Variants in GALNT17 observed in about 807,000 individuals in gnomAD.
The protein encoded by GALNT17 is polypeptide N-acetylgalactosaminyltransferase 17, also known as UDP-GalNAc:polypeptide N-acetylgalactosaminyltransferase-like 3.
GALNT17 carries 29 observed loss-of-function variants against 63.7 expected under a neutral mutation model. The observed-to-expected ratio is 0.46, with a 90% CI of 0.34 to 0.62. GALNT17 has a LOEUF of 0.62. Among genes scored for constraint, GALNT17 ranks in the 20% least tolerant of loss-of-function variants. The probability of loss-of-function intolerance (pLI) is 0.01; values close to 1 mark genes in which losing one functional copy is unlikely to be tolerated. For synonymous variants in GALNT17, 305 were observed against 318.3 expected, an observed-to-expected ratio of 0.96 and a Z score of 0.45; for missense variants, 603 against 799.6, an observed-to-expected ratio of 0.75 and a Z score of 2.97.
rs1376122327 is a variant in GALNT17 at position 71,468,735 on chromosome 7, G to C, written c.962+47630G>C. Among the ~76,000 whole-genome samples, 3 of 152,058 alleles carry C rather than the reference G, an allele frequency of 2.0e-5. No homozygotes were observed. In the East Asian group the frequency reaches 5.8e-4, roughly 29 times the overall value. The stretch of plus-strand genomic sequence containing the variant: ...CCCGGCCCTAGGCTCCTCCCATCTT[G>C]ACCTGGGTGTTTGCGATGGTGTCTG... On this transcript the variant is annotated intron_variant, in intron 5 of 10. Coordinates refer to ENST00000333538, the MANE Select transcript of GALNT17 (RefSeq NM_022479.3).
chr7:71,668,385 G>T (rs930069736), intron 7 of GALNT17, among the ~76,000 whole-genome samples: 1 of 151,778 alleles, frequency 6.6e-6, no homozygotes, highest in South Asian at 2.1e-4. Context: ...GTGAGGTGGC[G>T]CATGCCTTTA....
At chr7:71,402,117 T>G (rs957265597) in intron 3 of GALNT17, among the ~76,000 whole-genome samples, 1 of 152,222 alleles carries the variant, frequency 6.6e-6, no homozygotes, top group Non-Finnish European at 1.5e-5. Flanking sequence ...TAGCTTTCAT[T>G]CAGGGTTTTC....
intron 6 of GALNT17, among the ~76,000 whole-genome samples, chr7:71,614,766 G>A (rs1025463691): frequency 1.4e-5 from 2 of 147,202 alleles, no homozygotes; most frequent in Non-Finnish European, 3.0e-5. Context: ...AACAGAAAGA[G>A]AAAGAAACAG....
At chr7:71,613,287 T>C (rs1227831371) in intron 6 of GALNT17, among the ~76,000 whole-genome samples, 1 of 152,196 alleles carries the variant, frequency 6.6e-6, no homozygotes, top group Admixed American at 6.5e-5. Flanking sequence ...ATGATTTACT[T>C]TGAAGTTATT....
At chr7:71,348,142 T>C (rs1792127549) in intron 2 of GALNT17, among the ~76,000 whole-genome samples, 1 of 152,016 alleles carries the variant, frequency 6.6e-6, no homozygotes, top group African/African-American at 2.4e-5. Flanking sequence ...GTGCCTGTAA[T>C]CTCAGATACT....
intron 1 of GALNT17, among the ~76,000 whole-genome samples, chr7:71,331,609 G>T (rs1230196562): frequency 2.0e-5 from 3 of 152,076 alleles, no homozygotes; most frequent in Non-Finnish European, 4.4e-5. Flanking sequence ...TACTTGGGAG[G>T]CCGAGGCAGG....
At position 71,217,194 on chromosome 7, in the gene GALNT17, C is replaced by A. The variant is rs542735713; in HGVS notation, c.238+84154C>A. Among the ~76,000 whole-genome samples the A allele has an allele frequency of 5.7e-5, 8 of 140,920 alleles. No individual in the cohort carries two copies. The East Asian group carries it at 1.7e-3, about 30-fold the overall frequency. The allele number at this position is 140,920 out of a possible 152,430, so 92.4% of individuals were successfully genotyped here. On this transcript the variant is annotated intron_variant, in intron 1 of 10. Transcript: ENST00000333538. ...ATAGAGTTTTGCCATGTGGCCCAGG[C>A]TGGTCTTGAACTCCCATATGATCGC...
intron 1 of GALNT17, among the ~76,000 whole-genome samples, chr7:71,155,745 A>G (rs1009959858): frequency 6.6e-6 from 1 of 151,906 alleles, no homozygotes; most frequent in Admixed American, 6.6e-5. Context: ...CTGGAAACCT[A>G]TAGAGTACAT....
At chr7:71,606,396 A>C (rs73187131) in intron 6 of GALNT17, among the ~76,000 whole-genome samples, 51 of 152,304 alleles carry the variant, frequency 3.3e-4, no homozygotes, top group Non-Finnish European at 6.6e-4. Context: ...CAAGGAGTGT[A>C]AAGGAGGCTC....
chr7:71,144,406 A>C (rs1045538805), intron 1 of GALNT17, among the ~76,000 whole-genome samples: 1 of 152,110 alleles, frequency 6.6e-6, no homozygotes, highest in East Asian at 1.9e-4. Flanking sequence ...AGAACCTGAT[A>C]ATCATCATTA....
rs528692184 is a variant in GALNT17 at position 71,391,730 on chromosome 7, TC to T, written c.589+3331del. 4.2e-3 allele frequency among the ~76,000 whole-genome samples: 645 copies of T among 152,270 alleles called. 4 individuals carry two copies. The highest frequency in any genetic ancestry group is 0.014 in the African/African-American group (583 of 41,562). ...TCAAACTCCTGGGCTCAAATGATCC[TC>T]CTGCCTCAGCCTCCCAATGTGCTGG... On this transcript the variant is annotated intron_variant, in intron 3 of 10. Coordinates refer to ENST00000333538, the MANE Select transcript of GALNT17 (RefSeq NM_022479.3).
chr7:71,591,928 G>A (rs1354896624), intron 6 of GALNT17, among the ~76,000 whole-genome samples: 2 of 152,212 alleles, frequency 1.3e-5, no homozygotes, highest in African/African-American at 4.8e-5. Context: ...CTCTCAAAGT[G>A]CTGAGATTAC....
chr7:71,241,236 G>A (rs1000776009), intron 1 of GALNT17, among the ~76,000 whole-genome samples: 12 of 152,160 alleles, frequency 7.9e-5, no homozygotes, highest in African/African-American at 1.9e-4. Context: ...CTGGTTTGGC[G>A]GATCTGGTAA....
At chr7:71,696,531 A>G (rs1159514358) in intron 9 of GALNT17, among the ~76,000 whole-genome samples, 3 of 152,146 alleles carry the variant, frequency 2.0e-5, no homozygotes, top group African/African-American at 7.2e-5. Flanking sequence ...TGATAATCTG[A>G]TGGATTTTGC....
chr7:71,412,192 C>T (rs181840536), intron 3 of GALNT17, among the ~76,000 whole-genome samples: 12 of 152,298 alleles, frequency 7.9e-5, no homozygotes, highest in African/African-American at 2.6e-4. Context: ...TTAGTTCCAG[C>T]TGCTCGGGAG....
intron 5 of GALNT17, among the ~76,000 whole-genome samples, chr7:71,564,613 A>G (rs1228597329): frequency 6.6e-6 from 1 of 151,842 alleles, no homozygotes; most frequent in African/African-American, 2.4e-5. Context: ...TGTGACACCA[A>G]CAGCGACCAT....
chr7:71,186,147 G>T (rs1327662323), intron 1 of GALNT17, among the ~76,000 whole-genome samples: 2 of 152,154 alleles, frequency 1.3e-5, no homozygotes, highest in Non-Finnish European at 2.9e-5. Flanking sequence ...TTTGAACAAG[G>T]AGGATTCTGC....
chr7:71,669,520 A>C (rs1791035042), intron 7 of GALNT17, among the ~76,000 whole-genome samples: 1 of 151,842 alleles, frequency 6.6e-6, no homozygotes, highest in Non-Finnish European at 1.5e-5. Context: ...CAAAAAACAA[A>C]AACAAACACC....
intron 9 of GALNT17, among the ~76,000 whole-genome samples, chr7:71,709,048 A>G (rs1459371429): frequency 2.6e-5 from 4 of 152,166 alleles, no homozygotes; most frequent in Non-Finnish European, 4.4e-5. Flanking sequence ...TTTTGGTAGA[A>G]TGATGTCTTT....
Sources: gnomAD v4.1 joint callset for allele counts (sites outside exome capture counted in the v4.1 genomes callset) on GRCh38, gnomAD v4.1.1 for gene constraint, MANE v1.5 for transcripts, NCBI Gene and HGNC (gene_info 2026-07-23, HGNC 2026-07-21) for gene names.